The following VRTN variants were observed in gnomAD, a reference collection of about 807,000 sequenced individuals.
VRTN encodes the protein vertebrae development associated, also known as vertnin.
A neutral mutation model predicts 18.2 loss-of-function variants in VRTN; 5 were observed. That is an observed-to-expected ratio of 0.27 (90% confidence interval 0.14 to 0.58). The LOEUF is 0.58. VRTN is among the 20% of genes least tolerant of loss of function. The probability of loss-of-function intolerance (pLI) is 0.91; values close to 1 mark genes in which losing one functional copy is unlikely to be tolerated. For synonymous variants in VRTN, 381 were observed against 393.7 expected (o/e 0.97, Z 0.38); for missense variants, 741 against 939.4 (o/e 0.79, Z 2.76).
chr14:74,320,438 A>C (rs1306803284), intron 1 of VRTN, among the ~76,000 whole-genome samples: 5 of 146,820 alleles, frequency 3.4e-5, no homozygotes, highest in African/African-American at 1.3e-4. Flanking sequence ...AAATTTTTGT[A>C]TTTTTAGTAG....
chr14:74,340,043 C>T (rs2085590723), intron 2 of VRTN, among the ~76,000 whole-genome samples: 1 of 151,852 alleles, frequency 6.6e-6, no homozygotes, highest in African/African-American at 2.4e-5. Flanking sequence ...TCAAGCAATT[C>T]TCCTTCCTCA....
intron 2 of VRTN, among the ~76,000 whole-genome samples, chr14:74,339,743 T>C (rs1364590811): frequency 6.6e-6 from 1 of 152,088 alleles, no homozygotes; most frequent in African/African-American, 2.4e-5. Flanking sequence ...GAGCCCAGTA[T>C]TTTGAGGCTG....
At chr14:74,320,563 C>CTTTTTTTTTTT (rs35884901) in intron 1 of VRTN, among the ~76,000 whole-genome samples, 1 of 44,982 alleles carries the variant, frequency 2.2e-5, no homozygotes, top group Non-Finnish European at 4.5e-5. Flanking sequence ...CGCCCGGCCT[C>CTTTTTTTTTTT]TTTTTTTTTT....
chr14:74,358,609 T>C lies in VRTN; in HGVS notation c.1826T>C (p.Leu609Pro), dbSNP rs748357085. 1.9e-6 allele frequency: 3 copies of C among 1,600,770 alleles called. No individual in the cohort carries two copies. The highest frequency in any genetic ancestry group is 2.6e-6 in the Non-Finnish European group (3 of 1,172,846). ...VEGGPSREGA[L>P]QEGATAQGQP... Reference sequence around the variant, plus strand: ...GGAGGGCCTTCCAGAGAGGGGGCCCTGCAGGAGGGGGCCACAGCCCAGGGC... The same window carrying C: ...GGAGGGCCTTCCAGAGAGGGGGCCCCGCAGGAGGGGGCCACAGCCCAGGGC... The change falls in exon 2 of 2, where the codon CTG becomes CCG. Residue 609 changes from leucine to proline, a missense_variant. This residue lies in a region of VRTN where 494 missense variants were observed against 546.5 expected (regional missense o/e 0.90). Transcript: ENST00000256362. The surrounding 1 kb of genome is among the most constrained non-coding windows in gnomAD (Gnocchi z 5.4).
chr14:74,355,806 G>T (rs1314637182), intron 1 of VRTN, among the ~76,000 whole-genome samples: 1 of 150,796 alleles, frequency 6.6e-6, no homozygotes, highest in Non-Finnish European at 1.5e-5. Flanking sequence ...CTCCCAAAGT[G>T]CATGAGCCAC....
intron 1 of VRTN, among the ~76,000 whole-genome samples, chr14:74,320,689 C>T (rs1437024598): frequency 4.3e-5 from 6 of 139,496 alleles, no homozygotes; most frequent in African/African-American, 1.1e-4. Context: ...CGGGTTCAAG[C>T]GATTCTCCTG....
chr14:74,306,147 T>TAC lies in VRTN; in HGVS notation c.-164+2972_-164+2973insCA, dbSNP rs1567036568. ...AAATATATATATGTAAAAATATACA[T>TAC]ATATATATATATATATATATATATA... On this transcript the variant is annotated intron_variant, in intron 1 of 2. Transcript: ENST00000557177. 6.3e-3 allele frequency: 454 copies of TAC among 72,620 alleles called. 5 individuals are homozygous for TAC. Among genetic ancestry groups the TAC allele is most frequent in the African/African-American group, 0.03 (431 of 14,268 alleles). 4.5% of individuals were successfully genotyped at this position (72,620 alleles called of 1,614,324 possible). A position where few individuals can be genotyped will look rare whatever the true frequency, so the allele number is the denominator to read the frequency against.
At chr14:74,317,443 G>A (rs77211423) in intron 1 of VRTN, among the ~76,000 whole-genome samples, 262 of 152,272 alleles carry the variant, frequency 1.7e-3, no homozygotes, top group Middle Eastern at 6.8e-3. Context: ...TCTAGTGAGT[G>A]CTGCAAAGTA....
intron 2 of VRTN, among the ~76,000 whole-genome samples, chr14:74,342,499 G>A (rs556738040): frequency 6.6e-6 from 1 of 152,146 alleles, no homozygotes; most frequent in African/African-American, 2.4e-5. Context: ...ATGTATATAT[G>A]TGTATGTGTG....
chr14:74,356,190 T>G (rs2085726202), intron 1 of VRTN, among the ~76,000 whole-genome samples: 1 of 151,972 alleles, frequency 6.6e-6, no homozygotes, highest in East Asian at 1.9e-4. Context: ...TTATTAATTT[T>G]TTTTTCCCTT....
At chr14:74,321,624 C>T (rs1426571096) in intron 1 of VRTN, among the ~76,000 whole-genome samples, 1 of 148,414 alleles carries the variant, frequency 6.7e-6, no homozygotes, top group Non-Finnish European at 1.5e-5. Flanking sequence ...TCCTGCCTTA[C>T]CTCCTAAGTA....
intron 1 of VRTN, among the ~76,000 whole-genome samples, chr14:74,319,498 A>G (rs915373067): frequency 6.6e-6 from 1 of 152,202 alleles, no homozygotes; most frequent in African/African-American, 2.4e-5. Context: ...TTCAAGTGCA[A>G]CTTTAAGGCT....
rs778144791 is a variant in VRTN, at chr14:74,358,248, G to A, written c.1465G>A (p.Glu489Lys). The A allele has an allele frequency of 1.9e-6, 3 of 1,611,864 alleles. No homozygotes were observed. Among genetic ancestry groups the A allele is most frequent in the African/African-American group, 1.3e-5 (1 of 75,038 alleles). ...AEEGAGNATG[E>K]DPPAPGELLP... is the part of the protein sequence containing the mutation. ...AGAGGGGGCAGGGAATGCCACAGGT[G>A]AGGACCCTCCCGCCCCCGGGGAGCT... is the stretch of plus-strand genomic sequence containing the variant. Residue 489 changes from glutamate (E) to lysine (K), a missense_variant, in exon 2 of 2, where the codon GAG becomes AAG. Physicochemically the swap from Glu to Lys is moderately conservative, Grantham distance 56. Around this residue, in one of 3 missense-constraint regions of VRTN, gnomAD observed 494 missense variants for 546.5 expected, o/e 0.90. Coordinates refer to ENST00000256362, the MANE Select transcript of VRTN (RefSeq NM_018228.3). The surrounding 1 kb of genome is among the most constrained non-coding windows in gnomAD (Gnocchi z 5.4).
chr14:74,328,928 G>A (rs2085503750), intron 1 of VRTN, among the ~76,000 whole-genome samples: 1 of 151,372 alleles, frequency 6.6e-6, no homozygotes, highest in Non-Finnish European at 1.5e-5. Context: ...TGAGGTCAGG[G>A]GTTTGAGACC....
chr14:74,309,078 C>T (rs2085372318), intron 1 of VRTN, among the ~76,000 whole-genome samples: 1 of 152,156 alleles, frequency 6.6e-6, no homozygotes, highest in African/African-American at 2.4e-5. Context: ...TTGTTTTCCT[C>T]TACTCTTCCG....
chr14:74,335,952 G>T (rs909496329), intron 1 of VRTN, among the ~76,000 whole-genome samples: 3 of 151,604 alleles, frequency 2.0e-5, no homozygotes, highest in African/African-American at 4.8e-5. Flanking sequence ...TGTTGGCCAG[G>T]CTGGTCTCAA....
chr14:74,306,731 G>A (rs1326344849), intron 1 of VRTN, among the ~76,000 whole-genome samples: 2 of 151,312 alleles, frequency 1.3e-5, no homozygotes, highest in African/African-American at 2.4e-5. Context: ...AGTAGCTGGG[G>A]CTACAGGTAT....
chr14:74,318,691 C>T (rs1234462193), intron 1 of VRTN, among the ~76,000 whole-genome samples: 2 of 145,804 alleles, frequency 1.4e-5, no homozygotes, highest in African/African-American at 2.5e-5. Flanking sequence ...GGATTACAGG[C>T]GTGAGCCACC....
At chr14:74,310,754 T>C (rs1029880515) in intron 1 of VRTN, among the ~76,000 whole-genome samples, 3 of 151,996 alleles carry the variant, frequency 2.0e-5, no homozygotes, top group African/African-American at 7.2e-5. Flanking sequence ...GCCAGTCTGG[T>C]CTCAAACTCC....
Sources: gnomAD v4.1 joint callset for allele counts (sites outside exome capture counted in the v4.1 genomes callset) on GRCh38, gnomAD v4.1.1 for gene constraint, gnomAD v4.1.1 regional missense constraint, Gnocchi (gnomAD v3.1) non-coding constraint, MANE v1.5 for transcripts, NCBI Gene and HGNC (gene_info 2026-07-23, HGNC 2026-07-21) for gene names.